Variants in MYO10 observed in about 807,000 individuals in gnomAD.
MYO10 encodes unconventional myosin-X.
In MYO10, 133 loss-of-function variants were observed where a neutral mutation model predicts 257.3. The ratio of observed to expected loss-of-function variants is 0.52; its 90% CI spans 0.45 to 0.60. The LOEUF (loss-of-function observed/expected upper bound fraction) is 0.60. Ranked by LOEUF, MYO10 falls within the 20% of genes least tolerant of loss-of-function variation. The pLI is 0.00. For synonymous variants in MYO10, 1,104 were observed against 1,028.6 expected, an observed-to-expected ratio of 1.07 and a Z score of -1.40; for missense variants, 2,399 against 2,635.7, an observed-to-expected ratio of 0.91 and a Z score of 1.97.
At chr5:16,793,609 C>T (rs960769235) in intron 4 of MYO10, among the ~76,000 whole-genome samples, 5 of 152,126 alleles carry the variant, frequency 3.3e-5, no homozygotes, top group African/African-American at 1.2e-4. Context: ...AAGTGTGAGC[C>T]ATTGTGCCCA....
At chr5:16,761,434 A>C in intron 17 of MYO10, 30 bp downstream of exon 17, 5 of 1,522,814 alleles carry the variant, frequency 3.3e-6, no homozygotes, top group Non-Finnish European at 3.6e-6. Flanking sequence ...TTTGCTTGCT[A>C]AGTACTTCTC....
Position 16,683,897 on chromosome 5 carries a change from G to A in MYO10, c.4029C>T (p.Ala1343=). 1.9e-6 allele frequency: 3 copies of A among 1,613,750 alleles called. No homozygotes were observed. The highest frequency in any genetic ancestry group is 2.5e-6 in the Non-Finnish European group (3 of 1,179,838). Residue 1343 remains alanine (A), a synonymous_variant, in exon 30 of 41, where the codon GCC becomes GCT. Coordinates refer to ENST00000513610, the MANE Select transcript of MYO10 (RefSeq NM_012334.3). ...GAGCTTACCTATCAGGGCTGTCAGAGGCACACACAGAATCAATCAGCCCCA... is the reference window on the plus strand; with the variant it reads ...GAGCTTACCTATCAGGGCTGTCAGAAGCACACACAGAATCAATCAGCCCCA... ...LDVGLIDSVC[A]SDSPDRPNSF...
rs753720631 is a variant in MYO10, at chr5:16,681,332, T to A, written c.4361A>T (p.Asp1454Val). 13 of 1,612,524 alleles carry A rather than the reference T, an allele frequency of 8.1e-6. No homozygotes were observed. The highest frequency in any genetic ancestry group is 1.1e-5 in the Non-Finnish European group (13 of 1,179,528). ...LNSLCSVVPP[D>V]EKIFKETGYW... is the part of the protein sequence containing the mutation. ...ACCTGTCTCTTTGAATATCTTCTCA[T>A]CTGGGGGGACGACAGAGCAGAGGCT... The change falls in exon 32 of 41, where the codon GAT becomes GTT. Residue 1454 changes from aspartate (D) to valine (V), a missense_variant. This residue lies in a region of MYO10 where 1,820 missense variants were observed against 1,939.4 expected (regional missense o/e 0.94). Transcript: ENST00000513610.
chr5:16,913,163 A>G (rs1227339144), intron 1 of MYO10, among the ~76,000 whole-genome samples: 3 of 94,036 alleles, frequency 3.2e-5, no homozygotes, highest in East Asian at 7.2e-4. Flanking sequence ...TTCCAAGATT[A>G]GGTTATAGAG....
chr5:16,817,054 G>A (rs996588106), intron 3 of MYO10, among the ~76,000 whole-genome samples: 9 of 152,004 alleles, frequency 5.9e-5, no homozygotes, highest in African/African-American at 9.7e-5. Context: ...TCCAGACCTC[G>A]TGATCCGCCC....
intron 2 of MYO10, among the ~76,000 whole-genome samples, chr5:16,835,524 AT>A (rs1249386274): frequency 8.9e-6 from 1 of 112,672 alleles, no homozygotes; most frequent in African/African-American, 3.3e-5. Context: ...TTGGTGAGAT[AT>A]GTACAAAGAC....
chr5:16,841,656 T>C (rs763975391), intron 2 of MYO10, among the ~76,000 whole-genome samples: 11 of 152,210 alleles, frequency 7.2e-5, no homozygotes, highest in Non-Finnish European at 1.6e-4. Context: ...GCGGCAGCCT[T>C]TGTGGTCTGA....
intron 2 of MYO10, among the ~76,000 whole-genome samples, chr5:16,829,906 C>T (rs1743114897): frequency 6.6e-6 from 1 of 152,062 alleles, no homozygotes; most frequent in South Asian, 2.1e-4. Flanking sequence ...CACACACGCA[C>T]ACGCACACGC....
Position 16,844,551 on chromosome 5 carries a change from A to ATGGT in MYO10, c.121-26388_121-26385dup, listed in dbSNP as rs146906473. On this transcript the variant is annotated intron_variant, in intron 2 of 40. Transcript: ENST00000513610. Reference sequence around the variant, plus strand: ...TTGCTAGTTAATCTACCAGAACTGAATGGTTGCTTTTTGAAAAGCAAAGGT... The same window carrying ATGGT: ...TTGCTAGTTAATCTACCAGAACTGAATGGTTGGTTGCTTTTTGAAAAGCAAAGGT... Among the ~76,000 whole-genome samples the ATGGT allele has an allele frequency of 6.2e-3, 938 of 152,286 alleles. 10 individuals are homozygous for ATGGT. The highest frequency in any genetic ancestry group is 0.021 in the African/African-American group (875 of 41,564).
At chr5:16,833,594 C>A (rs748653646) in intron 2 of MYO10, among the ~76,000 whole-genome samples, 10 of 152,140 alleles carry the variant, frequency 6.6e-5, no homozygotes, top group Non-Finnish European at 1.2e-4. Flanking sequence ...ATTTTGGTTT[C>A]TTTGGCTGCT....
chr5:16,884,822 G>C (rs547516989), intron 1 of MYO10, among the ~76,000 whole-genome samples: 1 of 152,188 alleles, frequency 6.6e-6, no homozygotes, highest in African/African-American at 2.4e-5. Context: ...TGACATTGTG[G>C]ACTAGATGAT....
chr5:16,855,591 G>A (rs1031141118), intron 2 of MYO10, among the ~76,000 whole-genome samples: 6 of 152,176 alleles, frequency 3.9e-5, no homozygotes, highest in Non-Finnish European at 5.9e-5. Context: ...TAGGTTAATC[G>A]GACAGGATTT....
intron 18 of MYO10, among the ~76,000 whole-genome samples, chr5:16,756,492 T>G (rs1190631804): frequency 6.6e-6 from 1 of 152,246 alleles, no homozygotes; most frequent in Non-Finnish European, 1.5e-5. Context: ...CTCTTTTTTC[T>G]TCTCATAATC....
chr5:16,877,113 T>C (rs1744624859), intron 2 of MYO10, among the ~76,000 whole-genome samples: 1 of 151,320 alleles, frequency 6.6e-6, no homozygotes, highest in Non-Finnish European at 1.5e-5. Flanking sequence ...GGCCTTGGAC[T>C]CTCCAGGCTC....
rs540547162 is a variant in MYO10 at position 16,781,570 on chromosome 5, ATAAC to A, written c.727+131_727+134del. The stretch of plus-strand genomic sequence containing the variant: ...TAACAGGTATACTAACATTAGAGCA[ATAAC>A]TAACTGTCTAATTCGTTAAAGAACC... On this transcript the variant is annotated intron_variant, in intron 6 of 40. Transcript: ENST00000513610. The A allele has an allele frequency of 6.2e-4, 579 of 927,474 alleles. 6 individuals are homozygous for A. The highest frequency in any genetic ancestry group is 9.8e-4 in the Admixed American group (37 of 37,688). 57.5% of individuals were successfully genotyped at this position (927,474 alleles called of 1,614,324 possible).
intron 1 of MYO10, among the ~76,000 whole-genome samples, chr5:16,901,540 G>T (rs370424651): frequency 1.3e-5 from 2 of 152,016 alleles, no homozygotes; most frequent in Non-Finnish European, 2.9e-5. Flanking sequence ...TTCACCTTTC[G>T]CGTCCAACTC....
intron 19 of MYO10, among the ~76,000 whole-genome samples, chr5:16,724,714 CACTA>C (rs138473357): frequency 0.013 from 1,986 of 152,184 alleles, 53 homozygotes; most frequent in African/African-American, 0.045. Context: ...TCTTTTTCCC[CACTA>C]ACTAATTTGT....
intron 30 of MYO10, among the ~76,000 whole-genome samples, chr5:16,683,492 T>C (rs906723331): frequency 6.6e-6 from 1 of 152,218 alleles, no homozygotes; most frequent in Non-Finnish European, 1.5e-5. Context: ...TCAAAATCCT[T>C]TTCAAGTTTA....
At chr5:16,934,753 C>A (rs1305358970) in intron 1 of MYO10, among the ~76,000 whole-genome samples, 1 of 152,170 alleles carries the variant, frequency 6.6e-6, no homozygotes, top group African/African-American at 2.4e-5. Context: ...TCTGAGAATA[C>A]AGTCAGTGAG....
Sources: allele counts gnomAD v4.1 joint callset (sites outside exome capture counted in the v4.1 genomes callset), GRCh38; gene constraint gnomAD v4.1.1; regional missense constraint gnomAD v4.1.1; transcripts MANE v1.5; gene names NCBI Gene and HGNC (gene_info 2026-07-23, HGNC 2026-07-21).